Variants in PCSK9 observed in about 807,000 individuals in gnomAD.
PCSK9 encodes proprotein convertase subtilisin/kexin type 9, also known as convertase subtilisin/kexin type 9 preproprotein.
A neutral mutation model predicts 62.1 loss-of-function variants in PCSK9; 57 were observed. The observed-to-expected ratio is 0.92, with a 90% CI of 0.74 to 1.14. The LOEUF (loss-of-function observed/expected upper bound fraction) is 1.14. PCSK9 is among the 50% of genes most tolerant of loss of function. The pLI is 0.00. For missense variants in PCSK9, 870 were observed against 959.8 expected, an observed-to-expected ratio of 0.91 and a Z score of 1.24; for synonymous variants, 387 against 409.4, an observed-to-expected ratio of 0.95 and a Z score of 0.66.
At chr1:55,044,114 C>G in intron 2 of PCSK9, 80 bp downstream of exon 2, 1 of 1,508,868 alleles carries the variant, frequency 6.6e-7, no homozygotes, top group Non-Finnish European at 9.1e-7. Flanking sequence ...GCTTAGTAGG[C>G]CCATTGCTGA....
rs1017348910 is a variant in PCSK9, at chr1:55,058,285, C to T, written c.1354+76C>T. ...GTGTGACCTTGACAGTCTCTCCCTT[C>T]TCCCTTGTCTGTGTAAGGAGGATGA... On this transcript the variant is annotated intron_variant, in intron 8 of 11. Coordinates refer to ENST00000302118, the MANE Select transcript of PCSK9 (RefSeq NM_174936.4). The T allele has an allele frequency of 7.1e-6, 11 of 1,543,590 alleles. No homozygotes were observed. The Admixed American group carries it at 9.2e-5, about 13-fold the overall frequency.
chr1:55,050,713 G>A (rs574717787), intron 3 of PCSK9, among the ~76,000 whole-genome samples: 6 of 152,302 alleles, frequency 3.9e-5, no homozygotes, highest in African/African-American at 9.6e-5. Flanking sequence ...GGGAGGATGC[G>A]GGACTGGGGG....
Position 55,052,271 on chromosome 1 carries a change from TG to T in PCSK9, c.524-5del. ...CCCTCCTCTCCCACAAATGTCGCCT[TG>T]GAAAGACGGAGGCAGCCTGGTGGAG... is the stretch of plus-strand genomic sequence containing the variant. On this transcript the variant is annotated splice_region_variant and splice_polypyrimidine_tract_variant and intron_variant, in intron 3 of 11. Transcript: ENST00000302118. The T allele has an allele frequency of 6.2e-7, 1 of 1,613,998 alleles. No individual in the cohort carries two copies. The highest frequency in any genetic ancestry group is 8.5e-7 in the Non-Finnish European group (1 of 1,180,020).
chr1:55,046,003 C>T (rs947468784), intron 2 of PCSK9, among the ~76,000 whole-genome samples: 1 of 152,198 alleles, frequency 6.6e-6, no homozygotes, highest in African/African-American at 2.4e-5. Context: ...GTCACCGCTC[C>T]CAGCTGCTGA....
At chr1:55,047,380 A>C (rs1557501209) in intron 3 of PCSK9, among the ~76,000 whole-genome samples, 1 of 152,176 alleles carries the variant, frequency 6.6e-6, no homozygotes. Context: ...CGCAGAGATG[A>C]TGCAATGTGG....
intron 9 of PCSK9, among the ~76,000 whole-genome samples, chr1:55,058,886 G>A (rs1644737874): frequency 6.6e-6 from 1 of 152,204 alleles, no homozygotes; most frequent in Non-Finnish European, 1.5e-5. Context: ...GAGGCTGCAG[G>A]ACAGTGCTGG....
In PCSK9 at chr1:55,056,069, G is replaced by T. The variant is rs1012650815; in HGVS notation, c.876G>T (p.Gly292=). ...TGGTGCTGCTGCCCCTGGCGGGTGG[G>T]TACAGCCGCGTCCTCAACGCCGCCT... The part of the protein sequence containing the change: ...PLVVLLPLAG[G]YSRVLNAACQ... The change falls in exon 6 of 12, where the codon GGG becomes GGT. Residue 292 remains glycine (G), a synonymous_variant. Transcript: ENST00000302118. 4 of 1,601,480 alleles carry T rather than the reference G, an allele frequency of 2.5e-6. No individual in the cohort carries two copies. Among genetic ancestry groups the T allele is most frequent in the Non-Finnish European group, 2.6e-6 (3 of 1,172,186 alleles).
chr1:55,041,161 G>A (rs181301488), intron 1 of PCSK9, among the ~76,000 whole-genome samples: 2 of 152,252 alleles, frequency 1.3e-5, no homozygotes, highest in East Asian at 1.9e-4. Context: ...TGCAAGCCCC[G>A]GGGGGATCAC....
In PCSK9 at chr1:55,046,568, G is replaced by T; in HGVS notation, c.445G>T (p.Val149Phe). ...HVDYIEEDSS[V>F]FAQSIPWNLE... is the part of the protein sequence containing the mutation. ...CGACTACATCGAGGAGGACTCCTCTGTCTTTGCCCAGAGCATCCCGTGGAA... is the reference window on the plus strand; with the variant it reads ...CGACTACATCGAGGAGGACTCCTCTTTCTTTGCCCAGAGCATCCCGTGGAA... The change falls in exon 3 of 12, where the codon GTC becomes TTC. Residue 149 changes from valine (V) to phenylalanine (F), a missense_variant. By Grantham distance (50) the Val-to-Phe change is conservative. Transcript: ENST00000302118. 1 of 1,614,168 alleles carries T rather than the reference G, an allele frequency of 6.2e-7. No individual in the cohort carries two copies. Among genetic ancestry groups the T allele is most frequent in the Non-Finnish European group, 8.5e-7 (1 of 1,180,028 alleles).
intron 3 of PCSK9, chr1:55,051,150 C>T (rs1271529118): frequency 4.4e-6 from 2 of 456,196 alleles, no homozygotes; most frequent in African/African-American, 2.0e-5. Context: ...GAGCCTCCCA[C>T]ACTTGCTCAC....
At chr1:55,041,926 A>G (rs1644600450) in intron 1 of PCSK9, among the ~76,000 whole-genome samples, 1 of 152,162 alleles carries the variant, frequency 6.6e-6, no homozygotes, top group Admixed American at 6.5e-5. Context: ...GGTGGAAGAT[A>G]AGGAGCACAT....
chr1:55,049,476 A>G (rs1644658384), intron 3 of PCSK9, among the ~76,000 whole-genome samples: 1 of 152,218 alleles, frequency 6.6e-6, no homozygotes, highest in Admixed American at 6.5e-5. Flanking sequence ...AGAGGCTGGA[A>G]GAGGCCACTC....
chr1:55,048,925 G>A lies in PCSK9; in HGVS notation c.523+2279G>A, dbSNP rs115505813. Among the ~76,000 whole-genome samples, 768 of 152,328 alleles carry A rather than the reference G, an allele frequency of 5.0e-3. 8 individuals carry two copies. The highest frequency in any genetic ancestry group is 0.018 in the African/African-American group (732 of 41,576). Reference sequence around the variant, plus strand: ...TCTTTTCTTACCATTCAATAATAACGTTTTGAGCACCCACTGTGCGCCAGG... The same window carrying A: ...TCTTTTCTTACCATTCAATAATAACATTTTGAGCACCCACTGTGCGCCAGG... On this transcript the variant is annotated intron_variant, in intron 3 of 11. Coordinates refer to ENST00000302118, the MANE Select transcript of PCSK9 (RefSeq NM_174936.4).
chr1:55,039,879 A>ACTGCTGCTG lies in PCSK9; in HGVS notation c.57_65dup (p.Leu21_Leu23dup), dbSNP rs35574083. The ACTGCTGCTG allele has an allele frequency of 1.5e-4, 232 of 1,557,940 alleles. No homozygotes were observed. The highest frequency in any genetic ancestry group is 1.3e-3 in the African/African-American group (99 of 73,694). On this transcript the variant is annotated inframe_insertion, in exon 1 of 12. Coordinates refer to ENST00000302118, the MANE Select transcript of PCSK9 (RefSeq NM_174936.4). ...CCAGGCGGTCCTGGTGGCCGCTGCC[A>ACTGCTGCTG]CTGCTGCTGCTGCTGCTGCTGCTCC...
chr1:55,052,591 G>A (rs1319317444), intron 4 of PCSK9, 59 bp from the exon 5 acceptor site: 1 of 1,607,110 alleles, frequency 6.2e-7, no homozygotes. Flanking sequence ...GCCACCTGCT[G>A]ATTTGTTATA....
chr1:55,043,546 G>T (rs1264784307), intron 1 of PCSK9, among the ~76,000 whole-genome samples: 2 of 152,240 alleles, frequency 1.3e-5, no homozygotes, highest in Non-Finnish European at 2.9e-5. Flanking sequence ...GAGCGACCAG[G>T]CCCGTAGAGA....
At chr1:55,063,263 G>T in intron 11 of PCSK9, 106 bp from the exon 12 acceptor site, 1 of 1,240,386 alleles carries the variant, frequency 8.1e-7, no homozygotes, top group South Asian at 1.3e-5. Flanking sequence ...AGCGAGGGCC[G>T]TCTGCACTTT....
Position 55,043,954 on chromosome 1 carries a change from T to C in PCSK9, c.319T>C (p.Tyr107His). 6.2e-7 allele frequency: 1 copy of C among 1,614,202 alleles called. No homozygotes were observed. The highest frequency in any genetic ancestry group is 8.5e-7 in the Non-Finnish European group (1 of 1,180,038). ...RLQAQAARRG[Y>H]LTKILHVFHG... The stretch of plus-strand genomic sequence containing the variant: ...GCAGGCCCAGGCTGCCCGCCGGGGA[T>C]ACCTCACCAAGATCCTGCATGTCTT... The change falls in exon 2 of 12, where the codon TAC becomes CAC. Residue 107 changes from tyrosine to histidine, a missense_variant. Physicochemically the swap from Tyr to His is moderately conservative, Grantham distance 83 (BLOSUM62 2). Coordinates refer to ENST00000302118, the MANE Select transcript of PCSK9 (RefSeq NM_174936.4).
At chr1:55,060,835 G>A (rs774106816) in intron 10 of PCSK9, among the ~76,000 whole-genome samples, 5 of 152,150 alleles carry the variant, frequency 3.3e-5, no homozygotes, top group African/African-American at 9.7e-5. Flanking sequence ...CTGGGGCTTC[G>A]CACGTGTCAT....
Sources: allele counts gnomAD v4.1 joint callset (sites outside exome capture counted in the v4.1 genomes callset), GRCh38; gene constraint gnomAD v4.1.1; transcripts MANE v1.5; gene names NCBI Gene and HGNC (gene_info 2026-07-23, HGNC 2026-07-21).